UVRAG: variants seen among roughly 807,000 people sequenced by gnomAD.
The protein encoded by UVRAG is UV radiation resistance-associated gene protein.
In UVRAG, 19 loss-of-function variants were observed where a neutral mutation model predicts 78.0. The ratio of observed to expected loss-of-function variants is 0.24; its 90% CI spans 0.17 to 0.36. UVRAG has a LOEUF of 0.36. Ranked by LOEUF, UVRAG falls within the 10% of genes least tolerant of loss-of-function variation. The pLI, the probability that UVRAG is intolerant of heterozygous loss-of-function variation, is 1.00. For missense variants in UVRAG, 740 were observed against 853.8 expected, an observed-to-expected ratio of 0.87 and a Z score of 1.66; for synonymous variants, 323 against 324.6, an observed-to-expected ratio of 1.00 and a Z score of 0.05.
intron 14 of UVRAG, 101 bp downstream of exon 14, chr11:76,116,116 C>G (rs1952176299): frequency 2.7e-6 from 3 of 1,122,294 alleles, no homozygotes; most frequent in Non-Finnish European, 3.9e-6. Context: ...TCTGAGTTTT[C>G]TTCTGTAATG....
intron 13 of UVRAG, among the ~76,000 whole-genome samples, chr11:76,087,807 C>G (rs943607734): frequency 3.9e-5 from 6 of 152,210 alleles, no homozygotes; most frequent in African/African-American, 1.2e-4. Flanking sequence ...GCCTGATTGT[C>G]AGGACTATCC....
rs144531689 is a variant in UVRAG, at chr11:75,980,925, C to T, written c.700-2462C>T. Among the ~76,000 whole-genome samples the T allele has an allele frequency of 1.7e-3, 259 of 152,230 alleles. 2 individuals are homozygous for T. The highest frequency in any genetic ancestry group is 6.0e-3 in the African/African-American group (250 of 41,532). ...CAAACTCCTGACTTCAGGTGATCCA[C>T]GTGCCTCAGTCTCCCAAAGTGCTGG... is the stretch of plus-strand genomic sequence containing the variant. On this transcript the variant is annotated intron_variant, in intron 7 of 14. Transcript: ENST00000356136.
At chr11:76,008,531 T>G (rs1003810339) in intron 10 of UVRAG, among the ~76,000 whole-genome samples, 2 of 152,202 alleles carry the variant, frequency 1.3e-5, no homozygotes, top group African/African-American at 4.8e-5. Context: ...CATTTATATA[T>G]GTGAATGAAA....
At chr11:75,909,743 C>T (rs1344411573) in intron 5 of UVRAG, among the ~76,000 whole-genome samples, 1 of 152,134 alleles carries the variant, frequency 6.6e-6, no homozygotes, top group Non-Finnish European at 1.5e-5. Flanking sequence ...TAGGCTACAT[C>T]CAGTTAATAA....
At chr11:75,997,690 G>C (rs1949733949) in intron 8 of UVRAG, among the ~76,000 whole-genome samples, 1 of 151,892 alleles carries the variant, frequency 6.6e-6, no homozygotes, top group Non-Finnish European at 1.5e-5. Context: ...AGATAGGACT[G>C]TTTTGATGAA....
intron 13 of UVRAG, among the ~76,000 whole-genome samples, chr11:76,090,443 C>T (rs182089457): frequency 1.8e-4 from 28 of 152,242 alleles, no homozygotes; most frequent in Middle Eastern, 3.4e-3. Context: ...CTTTAACCCT[C>T]CCTGGCAGTG....
At chr11:75,905,326 G>T (rs150285060) in intron 5 of UVRAG, among the ~76,000 whole-genome samples, 3 of 152,234 alleles carry the variant, frequency 2.0e-5, no homozygotes, top group Middle Eastern at 3.4e-3. Flanking sequence ...CTGTTTTGAA[G>T]TGTGCAATTC....
At chr11:75,980,880 C>T (rs1277601536) in intron 7 of UVRAG, among the ~76,000 whole-genome samples, 1 of 151,876 alleles carries the variant, frequency 6.6e-6, no homozygotes, top group African/African-American at 2.4e-5. Flanking sequence ...GAGGTTTTGC[C>T]ATGTTGACTA....
chr11:75,951,328 T>TGTGC (rs1410627506), intron 6 of UVRAG, among the ~76,000 whole-genome samples: 2 of 6,302 alleles, frequency 3.2e-4, no homozygotes, highest in Non-Finnish European at 1.8e-3. Context: ...ATCTGAAATG[T>TGTGC]GTGTGTGTGT....
chr11:76,063,336 A>G (rs1266475686), intron 12 of UVRAG, among the ~76,000 whole-genome samples: 2 of 152,222 alleles, frequency 1.3e-5, no homozygotes, highest in Non-Finnish European at 2.9e-5. Context: ...GATAGTTCAC[A>G]ATGATACAAG....
intron 12 of UVRAG, among the ~76,000 whole-genome samples, chr11:76,060,858 G>A (rs1444648186): frequency 6.6e-6 from 1 of 152,240 alleles, no homozygotes; most frequent in African/African-American, 2.4e-5. Context: ...TCCTCCGTGG[G>A]GATCCTGTGT....
Position 75,828,805 on chromosome 11 carries a change from A to ATATAT in UVRAG, c.117+13282_117+13283insATATT, listed in dbSNP as rs1478310271. Among the ~76,000 whole-genome samples, 3 of 100,266 alleles carry ATATAT rather than the reference A, an allele frequency of 3.0e-5. No individual in the cohort carries two copies. The East Asian group carries it at 8.7e-4, about 29-fold the overall frequency. The allele number at this position is 100,266 out of a possible 152,430, so 65.8% of individuals were successfully genotyped here. ...CATATATATATATATATATATATAT[A>ATATAT]TTTTTTTTTTTTTGTAGAGACAGGG... On this transcript the variant is annotated intron_variant, in intron 1 of 14. Transcript: ENST00000356136.
chr11:75,913,653 G>A (rs1947784317), intron 6 of UVRAG, among the ~76,000 whole-genome samples: 1 of 152,176 alleles, frequency 6.6e-6, no homozygotes, highest in Admixed American at 6.5e-5. Flanking sequence ...GGCATTAAAT[G>A]TTTTATCTAT....
At chr11:75,881,652 A>G (rs1946947680) in intron 4 of UVRAG, among the ~76,000 whole-genome samples, 1 of 152,198 alleles carries the variant, frequency 6.6e-6, no homozygotes, top group Non-Finnish European at 1.5e-5. Context: ...CCTAGGCTCA[A>G]GCAGTCCTCC....
rs184808385 is a variant in UVRAG, at chr11:75,983,045, A to G, written c.700-342A>G. ...CCTAGAAGTGGAATTTCTGGGTCTT[A>G]TGGTACCTCTGTATTTAACTTTTTG... On this transcript the variant is annotated intron_variant, in intron 7 of 14. Transcript: ENST00000356136. Among the ~76,000 whole-genome samples the G allele has an allele frequency of 1.8e-4, 27 of 152,244 alleles. 1 individual carries two copies. Among genetic ancestry groups the G allele is most frequent in the Admixed American group, 1.8e-3 (27 of 15,276 alleles).
intron 14 of UVRAG, among the ~76,000 whole-genome samples, chr11:76,138,143 C>A (rs1246790688): frequency 2.0e-5 from 3 of 152,214 alleles, no homozygotes; most frequent in Admixed American, 2.0e-4. Flanking sequence ...AGTTTGTGGG[C>A]AAATGAGAAG....
chr11:76,133,990 G>C (rs1591272290), intron 14 of UVRAG, among the ~76,000 whole-genome samples: 1 of 118,624 alleles, frequency 8.4e-6, no homozygotes, highest in Non-Finnish European at 1.7e-5. Context: ...GTCTCACTCT[G>C]TTGCCCAGGC....
intron 5 of UVRAG, among the ~76,000 whole-genome samples, chr11:75,910,292 C>T (rs1423432490): frequency 6.6e-6 from 1 of 152,128 alleles, no homozygotes; most frequent in Non-Finnish European, 1.5e-5. Flanking sequence ...TTTCATTTTA[C>T]AGATATTAAC....
chr11:75,833,045 G>T (rs1353458254), intron 1 of UVRAG, among the ~76,000 whole-genome samples: 1 of 152,046 alleles, frequency 6.6e-6, no homozygotes, highest in Non-Finnish European at 1.5e-5. Context: ...GCCGTGATTT[G>T]GAATTTGGAA....
Sources: allele counts gnomAD v4.1 joint callset (sites outside exome capture counted in the v4.1 genomes callset), GRCh38; gene constraint gnomAD v4.1.1; transcripts MANE v1.5; gene names NCBI Gene and HGNC (gene_info 2026-07-23, HGNC 2026-07-21).